Variants in DNAI1 observed in about 807,000 individuals in gnomAD.
DNAI1 encodes dynein axonemal intermediate chain 1.
In DNAI1, 67 loss-of-function variants were observed where a neutral mutation model predicts 92.0. That is an observed-to-expected ratio of 0.73 (90% confidence interval 0.60 to 0.89). The LOEUF is 0.89. DNAI1 is among the 40% of genes least tolerant of loss of function. DNAI1 has a pLI of 0.00. For missense variants in DNAI1, 839 were observed against 866.6 expected (o/e 0.97, Z 0.40); for synonymous variants, 323 against 319.6 (o/e 1.01, Z -0.11).
chr9:34,517,166 C>T, intron 18 of DNAI1, 119 bp from the exon 19 acceptor site: 1 of 1,070,948 alleles, frequency 9.3e-7, no homozygotes, highest in Non-Finnish European at 1.4e-6. Flanking sequence ...ACCTCCAGCT[C>T]CAGTGTGCTA....
chr9:34,512,535 C>A, intron 15 of DNAI1, 111 bp downstream of exon 15: 1 of 1,036,780 alleles, frequency 9.6e-7, no homozygotes, highest in Non-Finnish European at 1.5e-6. Context: ...CAACCTGTGC[C>A]AGGGCCTGAC....
intron 12 of DNAI1, among the ~76,000 whole-genome samples, chr9:34,503,982 T>G (rs1824878916): frequency 6.6e-6 from 1 of 152,116 alleles, no homozygotes; most frequent in Non-Finnish European, 1.5e-5. Context: ...TCCAGCCCAT[T>G]AGCCAATTCA....
chr9:34,500,670 G>T, intron 10 of DNAI1, 52 bp from the exon 11 acceptor site: 1 of 1,353,860 alleles, frequency 7.4e-7, no homozygotes, highest in Non-Finnish European at 1.1e-6. Flanking sequence ...GTGGACCTGG[G>T]TTTGCCATAA....
intron 8 of DNAI1, among the ~76,000 whole-genome samples, chr9:34,492,493 G>GATAGATAGATATAT (rs1554688186): frequency 1.3e-4 from 9 of 68,268 alleles, no homozygotes; most frequent in African/African-American, 4.1e-4. Flanking sequence ...GGGATATGAA[G>GATAGATAGATATAT]ATATATATAT....
intron 8 of DNAI1, among the ~76,000 whole-genome samples, chr9:34,491,763 G>T (rs1156985089): frequency 6.6e-6 from 1 of 152,206 alleles, no homozygotes; most frequent in East Asian, 1.9e-4. Context: ...CTGTGGGCCA[G>T]CCACGTGACT....
In DNAI1 at chr9:34,485,450, A is replaced by G; in HGVS notation, c.194A>G (p.Glu65Gly). ...LELTDAELKE[E>G]FTRILTANNP... is the part of the protein sequence containing the mutation. ...TTTCTCCCTCAGGAGTTAAAGGAGG[A>G]GTTCACTCGGATTTTGACAGCCAAC... The change falls in exon 4 of 20, where the codon GAG becomes GGG. Residue 65 changes from glutamate to glycine, a missense_variant. Coordinates refer to ENST00000242317, the MANE Select transcript of DNAI1 (RefSeq NM_012144.4). 1 of 1,614,078 alleles carries G rather than the reference A, an allele frequency of 6.2e-7. No individual in the cohort carries two copies. Among genetic ancestry groups the G allele is most frequent in the Non-Finnish European group, 8.5e-7 (1 of 1,180,020 alleles).
At chr9:34,462,463 C>G (rs1823969195) in intron 1 of DNAI1, among the ~76,000 whole-genome samples, 1 of 152,138 alleles carries the variant, frequency 6.6e-6, no homozygotes, top group Admixed American at 6.5e-5. Flanking sequence ...AGACTATAAA[C>G]TATGTTATGG....
chr9:34,509,312 A>C (rs908514401), intron 13 of DNAI1, among the ~76,000 whole-genome samples: 10 of 152,188 alleles, frequency 6.6e-5, no homozygotes, highest in Non-Finnish European at 1.5e-4. Context: ...CAAGCAGAGT[A>C]GCCTGTTGGG....
At chr9:34,462,720 G>T (rs1282190667) in intron 1 of DNAI1, among the ~76,000 whole-genome samples, 2 of 152,194 alleles carry the variant, frequency 1.3e-5, no homozygotes, top group Non-Finnish European at 2.9e-5. Flanking sequence ...GTTTGTATCT[G>T]CTTTGGCAGT....
At chr9:34,508,619 G>A (rs1174395762) in intron 13 of DNAI1, among the ~76,000 whole-genome samples, 2 of 152,158 alleles carry the variant, frequency 1.3e-5, no homozygotes, top group South Asian at 2.1e-4. Flanking sequence ...AGGGCCAAGC[G>A]CAGAGCATCT....
At chr9:34,468,889 A>T (rs1824089133) in intron 1 of DNAI1, among the ~76,000 whole-genome samples, 2 of 152,118 alleles carry the variant, frequency 1.3e-5, no homozygotes, top group East Asian at 1.9e-4. Context: ...CCACTAAAAA[A>T]TAATAATAAT....
chr9:34,519,500 A>G (rs946543749), intron 19 of DNAI1, among the ~76,000 whole-genome samples: 4 of 152,144 alleles, frequency 2.6e-5, no homozygotes, highest in South Asian at 2.1e-4. Flanking sequence ...GAGAGGGAAG[A>G]GAGAGAAAAA....
intron 1 of DNAI1, among the ~76,000 whole-genome samples, chr9:34,477,876 G>A (rs1297495967): frequency 6.8e-6 from 1 of 147,324 alleles, no homozygotes; most frequent in Non-Finnish European, 1.5e-5. Flanking sequence ...CTAAGCTGCA[G>A]AAATAGATCT....
chr9:34,485,618 C>T, intron 4 of DNAI1, 101 bp downstream of exon 4: 1 of 1,108,474 alleles, frequency 9.0e-7, no homozygotes, highest in Non-Finnish European at 1.3e-6. Flanking sequence ...TAGAGGAGAG[C>T]ACTTTTAAAC....
At chr9:34,492,517 TATATATATATATATATATTTGAGA>T (rs1587072803) in intron 8 of DNAI1, among the ~76,000 whole-genome samples, 2 of 122,722 alleles carry the variant, frequency 1.6e-5, no homozygotes, top group East Asian at 4.8e-4. Context: ...TATATATATA[TATATATATATATATATATTTGAGA>T]CAAGGCCTTG....
chr9:34,513,833 T>G (rs1298490848), intron 16 of DNAI1, among the ~76,000 whole-genome samples: 2 of 152,170 alleles, frequency 1.3e-5, no homozygotes, highest in Non-Finnish European at 2.9e-5. Flanking sequence ...AACAAGAGAT[T>G]ACTCAGTCAC....
intron 1 of DNAI1, among the ~76,000 whole-genome samples, chr9:34,467,768 C>T (rs1234328842): frequency 6.6e-6 from 1 of 152,174 alleles, no homozygotes; most frequent in Non-Finnish European, 1.5e-5. Context: ...TAAGCCTGGA[C>T]ACAATATATG....
intron 12 of DNAI1, among the ~76,000 whole-genome samples, chr9:34,503,395 T>C (rs1208150395): frequency 6.6e-6 from 1 of 152,174 alleles, no homozygotes; most frequent in Non-Finnish European, 1.5e-5. Context: ...CCAGCATCCA[T>C]CACACTGTCT....
At position 34,520,506 on chromosome 9, in the gene DNAI1, C is replaced by T. The variant is rs1411030729; in HGVS notation, c.2002-152C>T. ...CACCTAACCCGAGTTGGGGAATGAT[C>T]GTGTCAGGGAGAGGGGAGGCAGGGA... On this transcript the variant is annotated intron_variant, in intron 19 of 19. Coordinates refer to ENST00000242317, the MANE Select transcript of DNAI1 (RefSeq NM_012144.4). 1.9e-5 allele frequency: 14 copies of T among 736,640 alleles called. 1 individual carries two copies. Among genetic ancestry groups the T allele is most frequent in the Admixed American group, 1.2e-4 (6 of 49,066 alleles). The allele number at this position is 736,640 out of a possible 1,614,324, so 45.6% of individuals were successfully genotyped here.
Sources: gnomAD v4.1 joint callset for allele counts (sites outside exome capture counted in the v4.1 genomes callset) on GRCh38, gnomAD v4.1.1 for gene constraint, MANE v1.5 for transcripts, NCBI Gene and HGNC (gene_info 2026-07-23, HGNC 2026-07-21) for gene names.